GNL1: variants seen among roughly 807,000 people sequenced by gnomAD.
GNL1 encodes the protein guanine nucleotide-binding protein-like 1.
Under a neutral mutation model 75.2 loss-of-function variants are expected in GNL1, and 21 were observed. The observed-to-expected ratio is 0.28, with a 90% CI of 0.20 to 0.40. GNL1 has a LOEUF of 0.40. Among genes scored for constraint, GNL1 ranks in the 10% least tolerant of loss-of-function variants. The pLI is 1.00. For missense variants in GNL1, 579 were observed against 775.0 expected, an observed-to-expected ratio of 0.75 and a Z score of 3.00; for synonymous variants, 287 against 303.4, an observed-to-expected ratio of 0.95 and a Z score of 0.56.
rs1402216208 is a variant in GNL1, at chr6:30,544,507, A to G, written c.*1565T>C. 1 of 152,128 alleles carries G rather than the reference A, an allele frequency of 6.6e-6. No individual in the cohort carries two copies. The highest frequency in any genetic ancestry group is 1.5e-5 in the Non-Finnish European group (1 of 68,014). 9.4% of individuals were successfully genotyped at this position (152,128 alleles called of 1,614,324 possible). A position where few individuals can be genotyped will look rare whatever the true frequency, so the allele number is the denominator to read the frequency against. ...TAGCTTGGGCCCCTTTTCCTTTTCTATCAGTGAGGCCAAAGAGCCCCAGAT... is the reference window on the plus strand; with the variant it reads ...TAGCTTGGGCCCCTTTTCCTTTTCTGTCAGTGAGGCCAAAGAGCCCCAGAT... On this transcript the variant is annotated 3_prime_UTR_variant, in exon 12 of 12. Coordinates refer to ENST00000376621, the MANE Select transcript of GNL1 (RefSeq NM_005275.5).
rs1216649335 is a variant in GNL1, at chr6:30,547,086, G to A, written c.1441+26C>T. 2 of 1,600,660 alleles carry A rather than the reference G, an allele frequency of 1.2e-6. No homozygotes were observed. Among genetic ancestry groups the A allele is most frequent in the Non-Finnish European group, 1.7e-6 (2 of 1,170,298 alleles). On this transcript the variant is annotated intron_variant, in intron 10 of 11. Transcript: ENST00000376621. This position sits in a 1 kb window ranked among gnomAD's most constrained non-coding sequence, Gnocchi z 5.5. ...AGGAAGAGCAGCTGAAACCAGGTGG[G>A]GCGAAGCCAGGCACATGGAACTCAC...
chr6:30,554,983 T>TCC (rs1305653620), intron 3 of GNL1, 68 bp from the exon 4 acceptor site: 31 of 1,608,282 alleles, frequency 1.9e-5, no homozygotes, highest in Non-Finnish European at 2.6e-5. Flanking sequence ...CCCAGACCCC[T>TCC]CCTTCCTCAC....
Position 30,555,201 on chromosome 6 carries a change from C to G in GNL1, c.240-10G>C, listed in dbSNP as rs2127381003. ...AAAATGCAGTCGGTATCTAAGGGAA[C>G]AGGGACCGAGACATCCAGAGCAATC... is the stretch of plus-strand genomic sequence containing the variant. On this transcript the variant is annotated splice_polypyrimidine_tract_variant and intron_variant, in intron 2 of 11. Coordinates refer to ENST00000376621, the MANE Select transcript of GNL1 (RefSeq NM_005275.5). The surrounding 1 kb of genome is among the most constrained non-coding windows in gnomAD (Gnocchi z 4.3). The G allele has an allele frequency of 6.2e-7, 1 of 1,613,030 alleles. No individual in the cohort carries two copies. The highest frequency in any genetic ancestry group is 8.5e-7 in the Non-Finnish European group (1 of 1,179,984).
chr6:30,542,725 T>C lies in GNL1; in HGVS notation c.*3347A>G, dbSNP rs1354581156. ...TCTTCCATTACCCTAATTCTGGTGT[T>C]CATTCTCTCTCCCTGGGATGGCTGT... On this transcript the variant is annotated 3_prime_UTR_variant, in exon 12 of 12. Transcript: ENST00000376621. The surrounding 1 kb of genome is among the most constrained non-coding windows in gnomAD (Gnocchi z 4.5). 1 of 152,286 alleles carries C rather than the reference T, an allele frequency of 6.6e-6. No individual in the cohort carries two copies. Among genetic ancestry groups the C allele is most frequent in the Non-Finnish European group, 1.5e-5 (1 of 68,080 alleles). The allele number at this position is 152,286 out of a possible 1,614,324, so 9.4% of individuals were successfully genotyped here.
Position 30,545,916 on chromosome 6 carries a change from G to A in GNL1, c.*156C>T. The stretch of plus-strand genomic sequence containing the variant: ...AAGAGGAGAGAAGCCTCCCACAGCT[G>A]TTAGCCTGGAACAGCCGCTCTCACC... On this transcript the variant is annotated 3_prime_UTR_variant, in exon 12 of 12. Transcript: ENST00000376621. The A allele has an allele frequency of 4.8e-6, 3 of 621,116 alleles. No homozygotes were observed. The highest frequency in any genetic ancestry group is 5.7e-6 in the Non-Finnish European group (2 of 352,468). The allele number at this position is 621,116 out of a possible 1,614,324, so 38.5% of individuals were successfully genotyped here.
chr6:30,552,997 G>A lies in GNL1; in HGVS notation c.904+87C>T. The A allele has an allele frequency of 2.2e-6, 2 of 914,514 alleles. No individual in the cohort carries two copies. The highest frequency in any genetic ancestry group is 3.5e-6 in the Non-Finnish European group (2 of 567,504). 56.6% of individuals were successfully genotyped at this position (914,514 alleles called of 1,614,324 possible). On this transcript the variant is annotated intron_variant, in intron 7 of 11. Transcript: ENST00000376621. This position sits in a 1 kb window ranked among gnomAD's most constrained non-coding sequence, Gnocchi z 4.5. ...TCTTGCACATATCCACCATAGAGGG[G>A]TTGGCTTCAGGAAAGGTGAGCAAAA...
At position 30,555,497 on chromosome 6, in the gene GNL1, A is replaced by G; in HGVS notation, c.239+58T>C. The G allele has an allele frequency of 9.8e-6, 15 of 1,527,362 alleles. No homozygotes were observed. Among genetic ancestry groups the G allele is most frequent in the African/African-American group, 1.4e-5 (1 of 73,290 alleles). The allele number at this position is 1,527,362 out of a possible 1,614,324, so 94.6% of individuals were successfully genotyped here. A position where few individuals can be genotyped will look rare whatever the true frequency, so the allele number is the denominator to read the frequency against. On this transcript the variant is annotated intron_variant, in intron 2 of 11. Transcript: ENST00000376621. The surrounding 1 kb of genome is among the most constrained non-coding windows in gnomAD (Gnocchi z 4.3). ...ACCAGTAGCAGCCCGCTTTCCCCCA[A>G]AGCTCTGACTTCCGGGTAGGCGGGA...
At chr6:30,553,034 C>A in intron 7 of GNL1, 50 bp downstream of exon 7, 1 of 1,251,752 alleles carries the variant, frequency 8.0e-7, no homozygotes. Flanking sequence ...GATTCTGCAT[C>A]TTTGGTCTCC....
Position 30,552,680 on chromosome 6 carries a change from G to A in GNL1, c.905-19C>T. On this transcript the variant is annotated intron_variant, in intron 7 of 11. Coordinates refer to ENST00000376621, the MANE Select transcript of GNL1 (RefSeq NM_005275.5). The surrounding 1 kb of genome is among the most constrained non-coding windows in gnomAD (Gnocchi z 4.5). The stretch of plus-strand genomic sequence containing the variant: ...AAGTCCACTGCTCAAAGAAGGAGAA[G>A]ATTAAAGAGGTTCTCCCCAGGGCTG... 6.2e-7 allele frequency: 1 copy of A among 1,603,912 alleles called. No individual in the cohort carries two copies. Among genetic ancestry groups the A allele is most frequent in the Non-Finnish European group, 8.5e-7 (1 of 1,173,238 alleles).
chr6:30,556,361 C>T lies in GNL1; in HGVS notation c.-158G>A, dbSNP rs947954243. ...GGGCCCGACAGAATTACCGCCGCGG[C>T]GGCGATGGAAGGCGGACGGGGGAGA... On this transcript the variant is annotated 5_prime_UTR_variant, in exon 1 of 12. Transcript: ENST00000376621. The surrounding 1 kb of genome is among the most constrained non-coding windows in gnomAD (Gnocchi z 5.7). 46 of 762,884 alleles carry T rather than the reference C, an allele frequency of 6.0e-5. No homozygotes were observed. Among genetic ancestry groups the T allele is most frequent in the South Asian group, 2.0e-4 (12 of 60,838 alleles). The allele number at this position is 762,884 out of a possible 1,614,324, so 47.3% of individuals were successfully genotyped here.
Position 30,556,000 on chromosome 6 carries a change from G to T in GNL1, c.73+131C>A. 1 of 1,148,350 alleles carries T rather than the reference G, an allele frequency of 8.7e-7. No homozygotes were observed. Among genetic ancestry groups the T allele is most frequent in the Non-Finnish European group, 1.3e-6 (1 of 795,414 alleles). 71.1% of individuals were successfully genotyped at this position (1,148,350 alleles called of 1,614,324 possible). On this transcript the variant is annotated intron_variant, in intron 1 of 11. Transcript: ENST00000376621. The surrounding 1 kb of genome is among the most constrained non-coding windows in gnomAD (Gnocchi z 4.3). ...GTAGGGGGGGTGGGGGATCCCCTCC[G>T]CGATAGGCCGCGAGGGTTGACGCGG...
Position 30,544,978 on chromosome 6 carries a change from C to T in GNL1, c.*1094G>A, listed in dbSNP as rs1429096687. On this transcript the variant is annotated 3_prime_UTR_variant, in exon 12 of 12. Coordinates refer to ENST00000376621, the MANE Select transcript of GNL1 (RefSeq NM_005275.5). ...TTCAATCTAGGAGTCTAGCTGCTGG[C>T]TTAACAAAGGGATATACAGCAAAGC... 1 of 152,218 alleles carries T rather than the reference C, an allele frequency of 6.6e-6. No individual in the cohort carries two copies. The highest frequency in any genetic ancestry group is 1.5e-5 in the Non-Finnish European group (1 of 68,044). 9.4% of individuals were successfully genotyped at this position (152,218 alleles called of 1,614,324 possible).
Position 30,553,084 on chromosome 6 carries a change from C to T in GNL1, c.904G>A (p.Val302Met), listed in dbSNP as rs758752898. 2 of 1,606,688 alleles carry T rather than the reference C, an allele frequency of 1.2e-6. No homozygotes were observed. ...RACEAITVGK[V>M]DLSSWREKIA... is the part of the protein sequence containing the mutation. Reference sequence around the variant, plus strand: ...CAGCCCTCCTCTAAGGGCCACATACCTTTCCCCACAGTGATGGCTTCACAG... The same window carrying T: ...CAGCCCTCCTCTAAGGGCCACATACTTTTCCCCACAGTGATGGCTTCACAG... Residue 302 changes from valine (V) to methionine (M), a missense_variant and splice_region_variant, in exon 7 of 12, where the codon GTG becomes ATG. By Grantham distance (21) the Val-to-Met change is conservative. Transcript: ENST00000376621.
chr6:30,555,879 G>C lies in GNL1; in HGVS notation c.74-159C>G, dbSNP rs1297637317. On this transcript the variant is annotated intron_variant, in intron 1 of 11. Coordinates refer to ENST00000376621, the MANE Select transcript of GNL1 (RefSeq NM_005275.5). This position sits in a 1 kb window ranked among gnomAD's most constrained non-coding sequence, Gnocchi z 4.3. ...GGACCCTCCCGGATGTGCGTGGGGG[G>C]AGTCACTCCTTCAGGGAGCAGTGGG... is the stretch of plus-strand genomic sequence containing the variant. 6 of 847,420 alleles carry C rather than the reference G, an allele frequency of 7.1e-6. No homozygotes were observed. The African/African-American group carries it at 1.0e-4, about 14-fold the overall frequency. The allele number at this position is 847,420 out of a possible 1,614,324, so 52.5% of individuals were successfully genotyped here.
Position 30,555,094 on chromosome 6 carries a change from A to G in GNL1, c.337T>C (p.Leu113=). Residue 113 remains leucine, a synonymous_variant, in exon 3 of 12, where the codon TTG becomes CTG. Transcript: ENST00000376621. This position sits in a 1 kb window ranked among gnomAD's most constrained non-coding sequence, Gnocchi z 4.3. ...TACACCTCCCGGATGTCCAGCTCCA[A>G]CAACTCAGCACTGACCGGCTGTAGA... The part of the protein sequence containing the change: ...QVLQPVSAEL[L]ELDIREVYQP... The G allele has an allele frequency of 6.2e-7, 1 of 1,612,890 alleles. No homozygotes were observed. Among genetic ancestry groups the G allele is most frequent in the South Asian group, 1.1e-5 (1 of 91,070 alleles).
rs1363373707 is a variant in GNL1 at position 30,556,106 on chromosome 6, C to T, written c.73+25G>A. 2.5e-6 allele frequency: 4 copies of T among 1,596,876 alleles called. No homozygotes were observed. Among genetic ancestry groups the T allele is most frequent in the Admixed American group, 3.3e-5 (2 of 59,998 alleles). On this transcript the variant is annotated intron_variant, in intron 1 of 11. Coordinates refer to ENST00000376621, the MANE Select transcript of GNL1 (RefSeq NM_005275.5). This position sits in a 1 kb window ranked among gnomAD's most constrained non-coding sequence, Gnocchi z 5.7. ...AGATGTGCGGAAGCCCGAGCCCCGC[C>T]CCCTCCTCCCGCTCCCGCACTGACC...
chr6:30,555,980 G>C lies in GNL1; in HGVS notation c.73+151C>G, dbSNP rs985444459. The C allele has an allele frequency of 8.2e-6, 8 of 978,782 alleles. No homozygotes were observed. The highest frequency in any genetic ancestry group is 5.9e-5 in the South Asian group (4 of 67,448). The allele number at this position is 978,782 out of a possible 1,614,324, so 60.6% of individuals were successfully genotyped here. The stretch of plus-strand genomic sequence containing the variant: ...CTTCCCCACCCCTTCCAGATGTAGG[G>C]GGGGTGGGGGATCCCCTCCGCGATA... On this transcript the variant is annotated intron_variant, in intron 1 of 11. Transcript: ENST00000376621. The surrounding 1 kb of genome is among the most constrained non-coding windows in gnomAD (Gnocchi z 4.3).
chr6:30,552,432 T>C lies in GNL1; in HGVS notation c.1099+35A>G, dbSNP rs749832407. On this transcript the variant is annotated intron_variant, in intron 8 of 11. Transcript: ENST00000376621. This position sits in a 1 kb window ranked among gnomAD's most constrained non-coding sequence, Gnocchi z 4.5. ...CGAATATGAAAACTCTGTACCTCCTTGGAGGCCACCACGCACAAGCTGCCA... is the reference window on the plus strand; with the variant it reads ...CGAATATGAAAACTCTGTACCTCCTCGGAGGCCACCACGCACAAGCTGCCA... 7.7e-6 allele frequency: 12 copies of C among 1,565,418 alleles called. No individual in the cohort carries two copies. Among genetic ancestry groups the C allele is most frequent in the South Asian group, 1.1e-5 (1 of 87,568 alleles).
rs1799460453 is a variant in GNL1, at chr6:30,546,467, A to C, written c.1583-154T>G. The C allele has an allele frequency of 1.0e-5, 7 of 685,372 alleles. No individual in the cohort carries two copies. The Middle Eastern group carries it at 1.3e-3, about 131-fold the overall frequency. The allele number at this position is 685,372 out of a possible 1,614,324, so 42.5% of individuals were successfully genotyped here. ...TCCATTCATTCAACTTCCTATGTGC[A>C]GATTGCTGAACAGAACCTTTGTGCA... On this transcript the variant is annotated intron_variant, in intron 11 of 11. Coordinates refer to ENST00000376621, the MANE Select transcript of GNL1 (RefSeq NM_005275.5). The surrounding 1 kb of genome is among the most constrained non-coding windows in gnomAD (Gnocchi z 5.1).
Sources: allele counts gnomAD v4.1 joint callset, GRCh38; gene constraint gnomAD v4.1.1; non-coding constraint Gnocchi (gnomAD v3.1); transcripts MANE v1.5; gene names NCBI Gene and HGNC (gene_info 2026-07-23, HGNC 2026-07-21).